The following UBA6 variants were observed in gnomAD, a reference collection of about 807,000 sequenced individuals.
The protein encoded by UBA6 is ubiquitin like modifier activating enzyme 6.
A neutral mutation model predicts 148.3 loss-of-function variants in UBA6; 87 were observed. The ratio of observed to expected loss-of-function variants is 0.59; its 90% CI spans 0.49 to 0.70. UBA6 has a LOEUF of 0.70. Among genes scored for constraint, UBA6 ranks in the 30% least tolerant of loss-of-function variants. The probability of loss-of-function intolerance (pLI) is 0.00; values close to 1 mark genes in which losing one functional copy is unlikely to be tolerated. For synonymous variants in UBA6, 376 were observed against 401.0 expected (o/e 0.94, Z 0.75); for missense variants, 1,186 against 1,241.2 (o/e 0.96, Z 0.67).
intron 13 of UBA6, among the ~76,000 whole-genome samples, chr4:67,657,691 T>C (rs1447813920): frequency 6.6e-6 from 1 of 151,612 alleles, no homozygotes; most frequent in East Asian, 1.9e-4. Flanking sequence ...CTAATTAAAC[T>C]AAAGAGCTTC....
In UBA6 at chr4:67,618,050, A is replaced by C. The variant is rs996865169; in HGVS notation, c.*947T>G. The C allele has an allele frequency of 7.0e-4, 105 of 151,014 alleles. 2 individuals carry two copies. The highest frequency in any genetic ancestry group is 2.4e-3 in the African/African-American group (101 of 41,258). 9.4% of individuals were successfully genotyped at this position (151,014 alleles called of 1,614,324 possible). A position where few individuals can be genotyped will look rare whatever the true frequency, so the allele number is the denominator to read the frequency against. On this transcript the variant is annotated 3_prime_UTR_variant, in exon 33 of 33. Transcript: ENST00000322244. Reference sequence around the variant, plus strand: ...TTCTGTTTAAAAAAAAAAAACAAAAAAAACACAAAATTTAATACCCTAATT... The same window carrying C: ...TTCTGTTTAAAAAAAAAAAACAAAACAAACACAAAATTTAATACCCTAATT...
chr4:67,658,598 C>T (rs1255908411), intron 13 of UBA6, among the ~76,000 whole-genome samples: 1 of 152,146 alleles, frequency 6.6e-6, no homozygotes, highest in East Asian at 1.9e-4. Context: ...AGGCTTAATA[C>T]CTGGGTGATG....
At chr4:67,639,528 G>A (rs2109911189) in intron 18 of UBA6, among the ~76,000 whole-genome samples, 1 of 152,226 alleles carries the variant, frequency 6.6e-6, no homozygotes, top group East Asian at 1.9e-4. Flanking sequence ...TAAGTTCTTA[G>A]AGGTATGCGA....
At chr4:67,624,806 ATATTTATGTAATACTTCAC>A (rs1728828151) in intron 29 of UBA6, among the ~76,000 whole-genome samples, 169 bp downstream of exon 29, 1 of 152,118 alleles carries the variant, frequency 6.6e-6, no homozygotes, top group Non-Finnish European at 1.5e-5. Flanking sequence ...TTAAAAATGT[ATATTTATGTAATACTTCAC>A]AATACAGATG....
intron 6 of UBA6, among the ~76,000 whole-genome samples, chr4:67,676,875 G>A (rs1730293169): frequency 6.7e-6 from 1 of 150,350 alleles, no homozygotes; most frequent in South Asian, 2.1e-4. Context: ...ATTTTTAAAT[G>A]GATCACAGCA....
intron 1 of UBA6, among the ~76,000 whole-genome samples, chr4:67,697,445 C>T (rs990020890): frequency 1.8e-4 from 27 of 152,202 alleles, no homozygotes; most frequent in African/African-American, 4.8e-5. Flanking sequence ...TATTTCTCCA[C>T]GTGTGATCTT....
intron 4 of UBA6, among the ~76,000 whole-genome samples, chr4:67,679,122 G>C (rs562026405): frequency 1.3e-4 from 20 of 152,170 alleles, no homozygotes; most frequent in African/African-American, 4.6e-4. Flanking sequence ...TAATCTCCAG[G>C]ATATGCTATA....
chr4:67,627,202 A>G (rs1244666871), intron 27 of UBA6, among the ~76,000 whole-genome samples: 3 of 151,986 alleles, frequency 2.0e-5, no homozygotes, highest in Non-Finnish European at 4.4e-5. Flanking sequence ...ATTTATTTAA[A>G]AATACACTCA....
In UBA6 at chr4:67,641,203, A is replaced by G. The variant is rs755365349; in HGVS notation, c.1502T>C (p.Ile501Thr). The part of the protein sequence containing the change: ...GMITVTDPDL[I>T]EKSNLNRQFL... ...CTGTCTATTTAAGTTGGATTTCTCT[A>G]TCAAGTCAGGATCTGTAACTGTAAT... is the stretch of plus-strand genomic sequence containing the variant. The change falls in exon 18 of 33, where the codon ATA becomes ACA. Residue 501 changes from isoleucine to threonine, a missense_variant. Ile to Thr is a moderately conservative substitution (Grantham distance 89). Transcript: ENST00000322244. 1.9e-6 allele frequency: 3 copies of G among 1,598,266 alleles called. No homozygotes were observed. Among genetic ancestry groups the G allele is most frequent in the Admixed American group, 1.7e-5 (1 of 57,190 alleles).
intron 17 of UBA6, among the ~76,000 whole-genome samples, chr4:67,642,394 C>G (rs1287559762): frequency 6.6e-6 from 1 of 152,086 alleles, no homozygotes; most frequent in Non-Finnish European, 1.5e-5. Context: ...ACTCTCCAGT[C>G]TGCTTTCCAT....
intron 6 of UBA6, among the ~76,000 whole-genome samples, chr4:67,675,514 T>G (rs545350403): frequency 1.3e-5 from 2 of 152,302 alleles, no homozygotes; most frequent in South Asian, 4.1e-4. Context: ...GAGGATCACC[T>G]GAGGTCAGAA....
At chr4:67,626,297 T>C in intron 28 of UBA6, 63 bp downstream of exon 28, 1 of 923,866 alleles carries the variant, frequency 1.1e-6, no homozygotes, top group Non-Finnish European at 1.8e-6. Flanking sequence ...TTCTTAGGTG[T>C]AGAGCTTAGT....
At chr4:67,621,784 GAC>G (rs1728757446) in intron 32 of UBA6, among the ~76,000 whole-genome samples, 1 of 152,146 alleles carries the variant, frequency 6.6e-6, no homozygotes, top group Non-Finnish European at 1.5e-5. Flanking sequence ...CAGCCTAGGC[GAC>G]ACAGTGAGAC....
intron 30 of UBA6, 63 bp from the exon 31 acceptor site, chr4:67,623,285 C>A: frequency 7.8e-7 from 1 of 1,279,030 alleles, no homozygotes; most frequent in Admixed American, 2.0e-5. Flanking sequence ...TGATGACACA[C>A]ACACAAAAAA....
intron 13 of UBA6, among the ~76,000 whole-genome samples, chr4:67,660,300 C>G (rs958608249): frequency 6.6e-6 from 1 of 152,204 alleles, no homozygotes; most frequent in African/African-American, 2.4e-5. Flanking sequence ...CAGGGAATGT[C>G]AGAGGTCTTC....
chr4:67,701,030 G>T lies in UBA6; in HGVS notation c.71+19C>A, dbSNP rs202195021. 77 of 1,613,348 alleles carry T rather than the reference G, an allele frequency of 4.8e-5. No homozygotes were observed. Among genetic ancestry groups the T allele is most frequent in the Non-Finnish European group, 6.4e-5 (75 of 1,179,458 alleles). ...GTCCCACCCGCGACCCCTCACCTTCGCCCTTCTCGTCCTCTCACCTGCCAG... is the reference window on the plus strand; with the variant it reads ...GTCCCACCCGCGACCCCTCACCTTCTCCCTTCTCGTCCTCTCACCTGCCAG... On this transcript the variant is annotated intron_variant, in intron 1 of 32. Coordinates refer to ENST00000322244, the MANE Select transcript of UBA6 (RefSeq NM_018227.6).
intron 25 of UBA6, among the ~76,000 whole-genome samples, chr4:67,631,334 G>C (rs1344082942): frequency 1.3e-5 from 2 of 152,148 alleles, no homozygotes; most frequent in Non-Finnish European, 2.9e-5. Context: ...TTGAGATTTA[G>C]GGAGTTATTC....
Position 67,693,265 on chromosome 4 carries a change from TTC to T in UBA6, c.134+3378_134+3379del, listed in dbSNP as rs201457424. Among the ~76,000 whole-genome samples, 8 of 152,214 alleles carry T rather than the reference TTC, an allele frequency of 5.3e-5. No homozygotes were observed. The East Asian group carries it at 1.4e-3, about 26-fold the overall frequency. ...CCATCTAATGAACAATAAATATATT[TTC>T]TCTTTCTTACATGATTTTCTTAACA... is the stretch of plus-strand genomic sequence containing the variant. On this transcript the variant is annotated intron_variant, in intron 2 of 32. Coordinates refer to ENST00000322244, the MANE Select transcript of UBA6 (RefSeq NM_018227.6).
At chr4:67,627,486 T>C (rs1344985122) in intron 27 of UBA6, among the ~76,000 whole-genome samples, 4 of 151,942 alleles carry the variant, frequency 2.6e-5, no homozygotes, top group African/African-American at 9.7e-5. Context: ...CCAGAAAACA[T>C]ACCGAAGCAA....
Sources: gnomAD v4.1 joint callset for allele counts (sites outside exome capture counted in the v4.1 genomes callset) on GRCh38, gnomAD v4.1.1 for gene constraint, MANE v1.5 for transcripts, NCBI Gene and HGNC (gene_info 2026-07-23, HGNC 2026-07-21) for gene names.